The following RGS20 variants were observed in gnomAD, a reference collection of about 807,000 sequenced individuals.
RGS20 encodes the protein regulator of G protein signaling 20.
A neutral mutation model predicts 33.6 loss-of-function variants in RGS20; 30 were observed. The observed-to-expected ratio is 0.89, with a 90% CI of 0.67 to 1.21. The LOEUF (loss-of-function observed/expected upper bound fraction) is 1.21, where lower values mean the gene tolerates loss of function less well. Among genes scored for constraint, RGS20 ranks in the 50% most tolerant of loss-of-function variants. The pLI is 0.00. For synonymous variants in RGS20, 208 were observed against 197.9 expected (o/e 1.05, Z -0.43); for missense variants, 472 against 502.4 (o/e 0.94, Z 0.58).
At chr8:53,869,532 C>T (rs187233128) in intron 1 of RGS20, among the ~76,000 whole-genome samples, 2 of 151,984 alleles carry the variant, frequency 1.3e-5, no homozygotes, top group East Asian at 1.9e-4. Flanking sequence ...AAAAATTAGC[C>T]GGGCATGCTG....
At chr8:53,901,651 C>G (rs536093443) in intron 2 of RGS20, among the ~76,000 whole-genome samples, 1 of 152,286 alleles carries the variant, frequency 6.6e-6, no homozygotes, top group South Asian at 2.1e-4. Context: ...CACAAAAGGA[C>G]AGATACTATA....
chr8:53,872,222 T>A (rs530277102), intron 1 of RGS20, among the ~76,000 whole-genome samples: 138 of 152,342 alleles, frequency 9.1e-4, no homozygotes, highest in African/African-American at 3.0e-3. Context: ...TTTATTTACA[T>A]GACCTGTCCA....
At chr8:53,905,936 C>T (rs1813154200) in intron 2 of RGS20, among the ~76,000 whole-genome samples, 1 of 152,184 alleles carries the variant, frequency 6.6e-6, no homozygotes, top group African/African-American at 2.4e-5. Flanking sequence ...CACTTTATGC[C>T]TCCTGTCCCC....
chr8:53,910,167 C>T (rs1813313010), intron 2 of RGS20, among the ~76,000 whole-genome samples: 2 of 152,062 alleles, frequency 1.3e-5, no homozygotes, highest in Admixed American at 1.3e-4. Context: ...TCAATCAAAG[C>T]ACTATTAGGA....
chr8:53,950,670 G>A (rs779299565), intron 4 of RGS20, among the ~76,000 whole-genome samples: 66 of 151,168 alleles, frequency 4.4e-4, no homozygotes, highest in Non-Finnish European at 4.6e-4. Flanking sequence ...GCTGGCATGC[G>A]GTGGCACGAT....
intron 2 of RGS20, among the ~76,000 whole-genome samples, chr8:53,918,670 G>A (rs1010800188): frequency 9.2e-5 from 14 of 152,178 alleles, no homozygotes; most frequent in African/African-American, 3.1e-4. Flanking sequence ...TTACAGGCAT[G>A]AGCCACCGTG....
At position 53,939,621 on chromosome 8, in the gene RGS20, G is replaced by A; in HGVS notation, c.556G>A (p.Ala186Thr). Residue 186 changes from alanine (A) to threonine (T), a missense_variant, in exon 3 of 6, where the codon GCC becomes ACC. This residue lies in a region of RGS20 where 319 missense variants were observed against 283.4 expected (regional missense o/e 1.13). Transcript: ENST00000297313. ...GGAGATGCGGAAGCGGCAGATGCCCGCCGCCCAGGACACACCAGGCGCCGC... is the reference window on the plus strand; with the variant it reads ...GGAGATGCGGAAGCGGCAGATGCCCACCGCCCAGGACACACCAGGCGCCGC... 6.2e-7 allele frequency: 1 copy of A among 1,602,882 alleles called. No individual in the cohort carries two copies. The highest frequency in any genetic ancestry group is 8.5e-7 in the Non-Finnish European group (1 of 1,175,422).
intron 5 of RGS20, among the ~76,000 whole-genome samples, chr8:53,957,847 A>T (rs1471096550): frequency 2.6e-5 from 4 of 152,116 alleles, no homozygotes; most frequent in Non-Finnish European, 5.9e-5. Context: ...TTGGTTTGGG[A>T]TATTTAAAAA....
At chr8:53,919,643 C>T (rs1216684189) in intron 2 of RGS20, among the ~76,000 whole-genome samples, 1 of 147,730 alleles carries the variant, frequency 6.8e-6, no homozygotes, top group African/African-American at 2.5e-5. Context: ...GGCTGGAATG[C>T]AGTGGTGCGA....
At chr8:53,870,623 G>A (rs1347822413) in intron 1 of RGS20, among the ~76,000 whole-genome samples, 1 of 152,040 alleles carries the variant, frequency 6.6e-6, no homozygotes, top group East Asian at 1.9e-4. Flanking sequence ...GAAATACCAG[G>A]AATTTTCTAG....
chr8:53,901,060 C>G (rs992536260), intron 2 of RGS20, among the ~76,000 whole-genome samples: 1 of 146,332 alleles, frequency 6.8e-6, no homozygotes, highest in Non-Finnish European at 1.5e-5. Context: ...TCATACTTGT[C>G]TCTTTTTTTT....
At chr8:53,946,967 G>A (rs1422306270) in intron 4 of RGS20, among the ~76,000 whole-genome samples, 1 of 150,930 alleles carries the variant, frequency 6.6e-6, no homozygotes, top group East Asian at 1.9e-4. Context: ...TAATCCCTTT[G>A]CTAATTGCAA....
intron 1 of RGS20, among the ~76,000 whole-genome samples, chr8:53,858,809 C>G (rs762546000): frequency 6.6e-6 from 1 of 150,918 alleles, no homozygotes; most frequent in Non-Finnish European, 1.5e-5. Context: ...TTAATGTGGC[C>G]CCATTTTTTT....
intron 1 of RGS20, among the ~76,000 whole-genome samples, chr8:53,859,030 T>C (rs964935844): frequency 2.6e-5 from 4 of 152,036 alleles, no homozygotes; most frequent in African/African-American, 4.8e-5. Context: ...GTGTAAGAGA[T>C]AATGCAGACT....
At chr8:53,865,229 G>A (rs1008064798) in intron 1 of RGS20, among the ~76,000 whole-genome samples, 1 of 152,246 alleles carries the variant, frequency 6.6e-6, no homozygotes, top group Non-Finnish European at 1.5e-5. Context: ...GAAATTGAGA[G>A]ATCCGGCCCA....
intron 2 of RGS20, among the ~76,000 whole-genome samples, chr8:53,931,633 C>A (rs1003209346): frequency 6.6e-6 from 1 of 152,136 alleles, no homozygotes; most frequent in African/African-American, 2.4e-5. Flanking sequence ...AGGAACAGCT[C>A]CGGTCTGTAG....
At chr8:53,854,814 A>G (rs1330073600) in intron 1 of RGS20, among the ~76,000 whole-genome samples, 1 of 152,212 alleles carries the variant, frequency 6.6e-6, no homozygotes, top group Non-Finnish European at 1.5e-5. Context: ...CCAACCCTGT[A>G]TGCCAATGTC....
At chr8:53,925,420 T>C (rs1320088442) in intron 2 of RGS20, among the ~76,000 whole-genome samples, 1 of 151,600 alleles carries the variant, frequency 6.6e-6, no homozygotes, top group Non-Finnish European at 1.5e-5. Context: ...GGTAGGGTAA[T>C]GGTGAGGCCT....
intron 4 of RGS20, among the ~76,000 whole-genome samples, chr8:53,947,205 A>AGATATAGCATATTTATACACGCTATATAG (rs1814515257): frequency 1.4e-5 from 2 of 144,984 alleles, no homozygotes; most frequent in African/African-American, 5.0e-5. Context: ...ACGCTATATA[A>AGATATAGCATATTTATACACGCTATATAG]GATATAGCAT....
Sources: allele counts gnomAD v4.1 joint callset (sites outside exome capture counted in the v4.1 genomes callset), GRCh38; gene constraint gnomAD v4.1.1; regional missense constraint gnomAD v4.1.1; transcripts MANE v1.5; gene names NCBI Gene and HGNC (gene_info 2026-07-23, HGNC 2026-07-21).